Variants in TOGARAM1 observed in about 807,000 individuals in gnomAD.
TOGARAM1 encodes the protein TOG array regulator of axonemal microtubules protein 1.
A neutral mutation model predicts 166.6 loss-of-function variants in TOGARAM1; 100 were observed. The observed-to-expected ratio is 0.60, with a 90% CI of 0.51 to 0.71. TOGARAM1 has a LOEUF of 0.71. Among genes scored for constraint, TOGARAM1 ranks in the 30% least tolerant of loss-of-function variants. The pLI is 0.00. For synonymous variants in TOGARAM1, 758 were observed against 763.8 expected (o/e 0.99, Z 0.13); for missense variants, 2,029 against 2,102.7 (o/e 0.96, Z 0.69).
At chr14:45,036,598 A>C (rs924006880) in intron 11 of TOGARAM1, among the ~76,000 whole-genome samples, 3 of 152,186 alleles carry the variant, frequency 2.0e-5, no homozygotes, top group African/African-American at 4.8e-5. Context: ...ATTGCCACAA[A>C]CTCAGTGGAT....
chr14:44,999,985 AT>A lies in TOGARAM1; in HGVS notation c.2338+492del, dbSNP rs1323205449. On this transcript the variant is annotated intron_variant, in intron 3 of 19. Transcript: ENST00000361462. Reference sequence around the variant, plus strand: ...ACTAGATCTTACTCCTTCTTATTTTATTTTATTTATTTATTTATTTATTTTG... The same window carrying A: ...ACTAGATCTTACTCCTTCTTATTTTATTTATTTATTTATTTATTTATTTTG... 1.3e-4 allele frequency among the ~76,000 whole-genome samples: 19 copies of A among 151,942 alleles called. 1 individual carries two copies. The East Asian group carries it at 3.7e-3, about 29-fold the overall frequency.
intron 4 of TOGARAM1, 146 bp downstream of exon 4, chr14:45,004,512 G>T: frequency 3.2e-6 from 2 of 627,612 alleles, no homozygotes; most frequent in South Asian, 2.4e-5. Flanking sequence ...ATTTAATAGT[G>T]TGTTAAATAA....
chr14:44,963,285 C>G lies in TOGARAM1; in HGVS notation c.864C>G (p.Gly288=). 1 of 1,614,102 alleles carries G rather than the reference C, an allele frequency of 6.2e-7. No individual in the cohort carries two copies. The highest frequency in any genetic ancestry group is 1.7e-5 in the Admixed American group (1 of 60,012). ...TTCAACAAATTGGGGAGCGACTTGG[C>G]CAAGACAGGTTTCAATCTTACATTT... The part of the protein sequence containing the change: ...SALQQIGERL[G]QDRFQSYISR... Residue 288 remains glycine, a synonymous_variant, in exon 1 of 20, where the codon GGC becomes GGG. Coordinates refer to ENST00000361462, the MANE Select transcript of TOGARAM1 (RefSeq NM_001308120.2).
In TOGARAM1 at chr14:44,963,726, A is replaced by G. The variant is rs778706373; in HGVS notation, c.1305A>G (p.Pro435=). The G allele has an allele frequency of 6.2e-7, 1 of 1,613,858 alleles. No individual in the cohort carries two copies. Among genetic ancestry groups the G allele is most frequent in the African/African-American group, 1.3e-5 (1 of 74,922 alleles). ...AGCAGGTACAGCAGTTCTTGGGACC[A>G]GTTATAGCAGCTTCTGTCAAAGTGC... The part of the protein sequence containing the change: ...LGEQVQQFLG[P]VIAASVKVLA... The change falls in exon 1 of 20, where the codon CCA becomes CCG. Residue 435 remains proline, a synonymous_variant. Coordinates refer to ENST00000361462, the MANE Select transcript of TOGARAM1 (RefSeq NM_001308120.2).
intron 5 of TOGARAM1, 67 bp from the exon 6 acceptor site, chr14:45,008,846 T>G (rs1156938834): frequency 7.5e-7 from 1 of 1,334,712 alleles, no homozygotes; most frequent in Non-Finnish European, 1.0e-6. Flanking sequence ...AGTTTAAAAT[T>G]TAAGGATAAC....
At chr14:44,989,965 C>CTGTCAG (rs1236883667) in intron 1 of TOGARAM1, among the ~76,000 whole-genome samples, 2 of 152,164 alleles carry the variant, frequency 1.3e-5, no homozygotes, top group African/African-American at 4.8e-5. Context: ...GAAAGAGGAA[C>CTGTCAG]TGTCAGACAC....
At chr14:45,047,028 A>T (rs1882099306) in intron 14 of TOGARAM1, among the ~76,000 whole-genome samples, 1 of 152,218 alleles carries the variant, frequency 6.6e-6, no homozygotes, top group Non-Finnish European at 1.5e-5. Context: ...ATGTAAGGTA[A>T]TGCATTTAGG....
intron 3 of TOGARAM1, 136 bp from the exon 4 acceptor site, chr14:45,003,925 C>T: frequency 1.7e-6 from 1 of 585,126 alleles, no homozygotes; most frequent in Non-Finnish European, 2.9e-6. Flanking sequence ...TTAAATTAGT[C>T]CTTTACCTCA....
chr14:44,973,596 C>CTA (rs3036333), intron 1 of TOGARAM1, among the ~76,000 whole-genome samples: 295 of 150,180 alleles, frequency 2.0e-3, no homozygotes, highest in African/African-American at 6.5e-3. Context: ...CTCTCTCTCT[C>CTA]TATATATACA....
intron 1 of TOGARAM1, chr14:44,995,492 T>C (rs1010570007): frequency 6.0e-6 from 3 of 501,288 alleles, no homozygotes; most frequent in African/African-American, 5.8e-5. Flanking sequence ...TGCCAGAGTC[T>C]GCTGTAGGAT....
chr14:45,065,281 G>A (rs1883087102), intron 16 of TOGARAM1, among the ~76,000 whole-genome samples: 1 of 152,118 alleles, frequency 6.6e-6, no homozygotes, highest in Admixed American at 6.5e-5. Flanking sequence ...AGTTTCAAAA[G>A]GATGATCATC....
chr14:44,964,945 GA>G (rs1426430654), intron 1 of TOGARAM1, among the ~76,000 whole-genome samples: 41 of 8,394 alleles, frequency 4.9e-3, no homozygotes, highest in African/African-American at 0.023. Flanking sequence ...AATTCCACTA[GA>G]AAAGTAAAAA....
intron 7 of TOGARAM1, among the ~76,000 whole-genome samples, chr14:45,023,143 T>A (rs1880623137): frequency 6.6e-6 from 1 of 152,198 alleles, no homozygotes; most frequent in East Asian, 1.9e-4. Flanking sequence ...CTTTTCGAAG[T>A]CCTTTTTCTA....
intron 7 of TOGARAM1, chr14:45,022,915 C>G (rs1024189457): frequency 1.3e-5 from 2 of 152,058 alleles, no homozygotes; most frequent in African/African-American, 2.4e-5. Flanking sequence ...GATAGGTGTT[C>G]CCTCGGAAGT....
chr14:45,040,295 G>A (rs984430678), intron 11 of TOGARAM1, among the ~76,000 whole-genome samples: 2 of 152,064 alleles, frequency 1.3e-5, no homozygotes, highest in South Asian at 2.1e-4. Context: ...AAAATTTATG[G>A]GATGTAGCCA....
At chr14:45,011,003 C>T (rs1215108599) in intron 6 of TOGARAM1, among the ~76,000 whole-genome samples, 1 of 152,154 alleles carries the variant, frequency 6.6e-6, no homozygotes, top group Non-Finnish European at 1.5e-5. Flanking sequence ...GAGAATTGTA[C>T]TTCTTTGTAA....
At chr14:45,024,721 T>A (rs2138899515) in intron 7 of TOGARAM1, among the ~76,000 whole-genome samples, 1 of 152,362 alleles carries the variant, frequency 6.6e-6, no homozygotes, top group East Asian at 1.9e-4. Context: ...TAATTTTGAT[T>A]GCATACTAAA....
chr14:44,971,132 G>T (rs1167984089), intron 1 of TOGARAM1, among the ~76,000 whole-genome samples: 2 of 151,878 alleles, frequency 1.3e-5, no homozygotes, highest in African/African-American at 4.8e-5. Flanking sequence ...GCAGAGAATT[G>T]GTATAATTTT....
intron 1 of TOGARAM1, among the ~76,000 whole-genome samples, chr14:44,980,123 T>C (rs1043836454): frequency 6.6e-6 from 1 of 152,244 alleles, no homozygotes; most frequent in Non-Finnish European, 1.5e-5. Flanking sequence ...CACATATTCA[T>C]GTGTCCTCCA....
Sources: allele counts gnomAD v4.1 joint callset (sites outside exome capture counted in the v4.1 genomes callset), GRCh38; gene constraint gnomAD v4.1.1; transcripts MANE v1.5; gene names NCBI Gene and HGNC (gene_info 2026-07-23, HGNC 2026-07-21).